The following PIEZO2 variants were observed in gnomAD, a reference collection of about 807,000 sequenced individuals.
The protein encoded by PIEZO2 is piezo-type mechanosensitive ion channel component 2.
A neutral mutation model predicts 337.3 loss-of-function variants in PIEZO2; 172 were observed. That is an observed-to-expected ratio of 0.51 (90% CI 0.45 to 0.58). PIEZO2 has a LOEUF of 0.58. Among genes scored for constraint, PIEZO2 ranks in the 20% least tolerant of loss-of-function variants. The pLI is 0.00. For synonymous variants in PIEZO2, 1,251 were observed against 1,228.5 expected (o/e 1.02, Z -0.38); for missense variants, 3,028 against 3,391.3 (o/e 0.89, Z 2.66).
intron 1 of PIEZO2, among the ~76,000 whole-genome samples, chr18:11,073,046 A>C (rs1388094546): frequency 2.0e-5 from 3 of 152,262 alleles, no homozygotes; most frequent in Non-Finnish European, 4.4e-5. Flanking sequence ...TATTATTTGC[A>C]ATCAAAATAC....
intron 7 of PIEZO2, among the ~76,000 whole-genome samples, chr18:10,845,186 T>TTG (rs549023682): frequency 7.6e-4 from 104 of 136,920 alleles, no homozygotes; most frequent in Admixed American, 3.3e-3. Context: ...ATTTTTCCCA[T>TTG]TGTGTGTGTG....
chr18:10,841,846 C>T (rs2041202997), intron 7 of PIEZO2, among the ~76,000 whole-genome samples: 2 of 152,098 alleles, frequency 1.3e-5, no homozygotes, highest in Admixed American at 1.3e-4. Flanking sequence ...ATTAAATACA[C>T]ACACACATAT....
intron 36 of PIEZO2, 80 bp from the exon 37 acceptor site, chr18:10,718,339 A>T: frequency 2.4e-6 from 3 of 1,226,900 alleles, no homozygotes; most frequent in Non-Finnish European, 3.4e-6. Context: ...CTAGATTAAA[A>T]GGAATTTTGT....
intron 2 of PIEZO2, among the ~76,000 whole-genome samples, chr18:11,023,944 C>T (rs955392666): frequency 5.3e-5 from 8 of 152,282 alleles, no homozygotes; most frequent in South Asian, 4.1e-4. Context: ...GTTCTGAGTG[C>T]GGGGCCGCCG....
rs573013415 is a variant in PIEZO2 at position 10,966,375 on chromosome 18, G to C, written c.286+13160C>G. ...TCCTTCTGGATGGATTAGTGCCACAGCCTGCACAACAGTTTCCTGCTGCCA... is the reference window on the plus strand; with the variant it reads ...TCCTTCTGGATGGATTAGTGCCACACCCTGCACAACAGTTTCCTGCTGCCA... On this transcript the variant is annotated intron_variant, in intron 3 of 55. Transcript: ENST00000674853. Among the ~76,000 whole-genome samples, 41 of 152,298 alleles carry C rather than the reference G, an allele frequency of 2.7e-4. No homozygotes were observed. In the South Asian group the frequency reaches 8.5e-3, roughly 32 times the overall value.
At chr18:10,796,608 T>C (rs1194631452) in intron 12 of PIEZO2, among the ~76,000 whole-genome samples, 1 of 152,304 alleles carries the variant, frequency 6.6e-6, no homozygotes, top group East Asian at 1.9e-4. Flanking sequence ...GGAGGATAAA[T>C]AGAATTGAAA....
chr18:11,056,108 A>C (rs2037725153), intron 2 of PIEZO2, among the ~76,000 whole-genome samples: 2 of 152,264 alleles, frequency 1.3e-5, no homozygotes, highest in East Asian at 3.9e-4. Flanking sequence ...ATGCTCTTGC[A>C]GTGGGGGCCT....
intron 3 of PIEZO2, among the ~76,000 whole-genome samples, chr18:10,934,823 C>T (rs1264372808): frequency 3.3e-5 from 5 of 152,174 alleles, no homozygotes; most frequent in Non-Finnish European, 7.3e-5. Context: ...TTGTAACTTA[C>T]CATGCGGCAG....
chr18:10,747,077 G>A (rs940642877), intron 30 of PIEZO2, among the ~76,000 whole-genome samples: 14 of 152,186 alleles, frequency 9.2e-5, no homozygotes, highest in African/African-American at 3.1e-4. Context: ...ACACTATTAT[G>A]AGTTCATTGC....
At chr18:11,137,936 A>G (rs1337335357) in intron 1 of PIEZO2, among the ~76,000 whole-genome samples, 1 of 152,218 alleles carries the variant, frequency 6.6e-6, no homozygotes, top group Non-Finnish European at 1.5e-5. Context: ...ACCATTGTCA[A>G]ATGGGTTTTT....
In PIEZO2 at chr18:11,104,060, A is replaced by C. The variant is rs1056875719; in HGVS notation, c.65-37838T>G. ...GAAAGTTACTGGTTTTCATGTCTTCATTTCCAGTTGAAGACAATAGTGTAA... is the reference window on the plus strand; with the variant it reads ...GAAAGTTACTGGTTTTCATGTCTTCCTTTCCAGTTGAAGACAATAGTGTAA... On this transcript the variant is annotated intron_variant, in intron 1 of 55. Coordinates refer to ENST00000674853, the MANE Select transcript of PIEZO2 (RefSeq NM_001378183.1). The surrounding 1 kb of genome is among the most constrained non-coding windows in gnomAD (Gnocchi z 4.6). 4.6e-5 allele frequency among the ~76,000 whole-genome samples: 7 copies of C among 152,166 alleles called. No homozygotes were observed. Among genetic ancestry groups the C allele is most frequent in the African/African-American group, 1.7e-4 (7 of 41,440 alleles).
chr18:10,818,995 AT>A lies in PIEZO2; in HGVS notation c.918-11722del, dbSNP rs769787238. Among the ~76,000 whole-genome samples the A allele has an allele frequency of 5.3e-5, 8 of 152,298 alleles. No individual in the cohort carries two copies. The East Asian group carries it at 1.5e-3, about 29-fold the overall frequency. On this transcript the variant is annotated intron_variant, in intron 7 of 55. Transcript: ENST00000674853. ...TATTGGCCATTTATTTTTTATCTATATTGTTAGTGGCTAATAATTTTTTGTT... is the reference window on the plus strand; with the variant it reads ...TATTGGCCATTTATTTTTTATCTATATGTTAGTGGCTAATAATTTTTTGTT...
chr18:11,054,091 C>A (rs74655683), intron 2 of PIEZO2, among the ~76,000 whole-genome samples: 5,283 of 152,204 alleles, frequency 0.035, 307 homozygotes, highest in African/African-American at 0.12. Context: ...CCTGACCTGA[C>A]GTTAATTATA....
intron 1 of PIEZO2, among the ~76,000 whole-genome samples, chr18:11,108,738 T>C (rs2039648076): frequency 6.6e-6 from 1 of 151,854 alleles, no homozygotes; most frequent in Admixed American, 6.6e-5. Flanking sequence ...CTGGTCTGTC[T>C]CATGTTAGGG....
chr18:11,022,115 A>G (rs2660261), intron 2 of PIEZO2, among the ~76,000 whole-genome samples: 69,930 of 151,956 alleles, frequency 0.46, 16,219 homozygotes, highest in Middle Eastern at 0.53. Flanking sequence ...TACGAGAGGT[A>G]GGGGTATAGT....
chr18:10,845,898 C>G (rs939785901), intron 7 of PIEZO2, among the ~76,000 whole-genome samples: 6 of 152,174 alleles, frequency 3.9e-5, no homozygotes, highest in African/African-American at 1.4e-4. Context: ...TAAATATTTG[C>G]AAACACCACG....
intron 2 of PIEZO2, among the ~76,000 whole-genome samples, chr18:11,055,045 A>T (rs2037671949): frequency 6.6e-6 from 1 of 152,062 alleles, no homozygotes. Flanking sequence ...CCCCGTCTCT[A>T]CTAAAAACAC....
intron 36 of PIEZO2, among the ~76,000 whole-genome samples, chr18:10,719,228 T>G (rs2036153314): frequency 6.6e-6 from 1 of 152,090 alleles, no homozygotes; most frequent in Admixed American, 6.5e-5. Context: ...TTAGGAGAGA[T>G]AAGTGCAGAT....
rs1401478105 is a variant in PIEZO2 at position 10,782,452 on chromosome 18, GTA to G, written c.2493-2088_2493-2087del. 1.9e-3 allele frequency among the ~76,000 whole-genome samples: 92 copies of G among 48,978 alleles called. 2 individuals are homozygous for G. Among genetic ancestry groups the G allele is most frequent in the African/African-American group, 5.6e-3 (74 of 13,242 alleles). The allele number at this position is 48,978 out of a possible 152,430, so 32.1% of individuals were successfully genotyped here. A position where few individuals can be genotyped will look rare whatever the true frequency, so the allele number is the denominator to read the frequency against. On this transcript the variant is annotated intron_variant, in intron 17 of 55. Transcript: ENST00000674853. ...AAATAATTATATAATATATTATATA[GTA>G]TATATATTATATTAAATAATATATA... is the stretch of plus-strand genomic sequence containing the variant.
Sources: gnomAD v4.1 joint callset for allele counts (sites outside exome capture counted in the v4.1 genomes callset) on GRCh38, gnomAD v4.1.1 for gene constraint, Gnocchi (gnomAD v3.1) non-coding constraint, MANE v1.5 for transcripts, NCBI Gene and HGNC (gene_info 2026-07-23, HGNC 2026-07-21) for gene names.